SPOPL: variants seen among roughly 807,000 people sequenced by gnomAD.
The protein encoded by SPOPL is speckle-type POZ protein-like.
Under a neutral mutation model 53.8 loss-of-function variants are expected in SPOPL, and 23 were observed. That is an observed-to-expected ratio of 0.43 (90% CI 0.31 to 0.61). The LOEUF (loss-of-function observed/expected upper bound fraction) is 0.61. Ranked by LOEUF, SPOPL falls within the 20% of genes least tolerant of loss-of-function variation. SPOPL has a pLI of 0.12. For synonymous variants in SPOPL, 164 were observed against 149.7 expected, an observed-to-expected ratio of 1.10 and a Z score of -0.70; for missense variants, 442 against 466.9, an observed-to-expected ratio of 0.95 and a Z score of 0.49.
At chr2:138,524,320 C>G (rs564345378) in intron 1 of SPOPL, among the ~76,000 whole-genome samples, 6 of 152,266 alleles carry the variant, frequency 3.9e-5, no homozygotes, top group East Asian at 1.9e-4. Context: ...TGGGCCCAGC[C>G]CATGAAACCA....
intron 8 of SPOPL, 54 bp downstream of exon 8, chr2:138,560,981 A>G: frequency 6.4e-7 from 1 of 1,567,162 alleles, no homozygotes; most frequent in South Asian, 1.2e-5. Flanking sequence ...TGATTTATAT[A>G]GAAAGCTGTC....
chr2:138,559,422 C>A, intron 7 of SPOPL, 85 bp downstream of exon 7: 1 of 1,349,170 alleles, frequency 7.4e-7, no homozygotes, highest in Non-Finnish European at 1.0e-6. Flanking sequence ...GTACAATGTT[C>A]TCATTGTCAT....
intron 1 of SPOPL, among the ~76,000 whole-genome samples, chr2:138,534,720 C>A (rs545705467): frequency 6.6e-6 from 1 of 152,236 alleles, no homozygotes; most frequent in African/African-American, 2.4e-5. Flanking sequence ...TTCCAGAACA[C>A]TTTTATCAGT....
chr2:138,550,834 T>TCTCTCTCG (rs1404491817), intron 3 of SPOPL, 69 bp from the exon 4 acceptor site: 1 of 1,525,002 alleles, frequency 6.6e-7, no homozygotes, highest in Non-Finnish European at 8.8e-7. Context: ...TCTTTCTCTC[T>TCTCTCTCG]CTCTCTCTCT....
intron 1 of SPOPL, among the ~76,000 whole-genome samples, chr2:138,521,814 G>A (rs558811323): frequency 1.2e-3 from 178 of 152,170 alleles, no homozygotes; most frequent in African/African-American, 4.2e-3. Flanking sequence ...CCCTAACATT[G>A]GAATAAGACC....
intron 1 of SPOPL, among the ~76,000 whole-genome samples, chr2:138,537,511 GCTGT>G (rs1684964038): frequency 6.6e-6 from 1 of 152,190 alleles, no homozygotes; most frequent in Non-Finnish European, 1.5e-5. Flanking sequence ...GTGGCATCGG[GCTGT>G]CTGCCTGTGG....
chr2:138,544,767 G>T (rs551864888), intron 1 of SPOPL, among the ~76,000 whole-genome samples: 2 of 152,310 alleles, frequency 1.3e-5, no homozygotes, highest in South Asian at 4.1e-4. Context: ...ACACTCCCCA[G>T]TGAGATAAAC....
At chr2:138,503,103 A>G (rs1684142182) in intron 1 of SPOPL, among the ~76,000 whole-genome samples, 1 of 152,186 alleles carries the variant, frequency 6.6e-6, no homozygotes, top group African/African-American at 2.4e-5. Context: ...ATACCTTGAA[A>G]AATTACATCT....
rs143304264 is a variant in SPOPL at position 138,568,984 on chromosome 2, G to C, written c.1083G>C (p.Gln361His). 6.2e-7 allele frequency: 1 copy of C among 1,614,050 alleles called. No individual in the cohort carries two copies. The highest frequency in any genetic ancestry group is 1.7e-5 in the Admixed American group (1 of 60,022). The part of the protein sequence containing the change: ...METSGWKSMI[Q>H]SHPHLVAEAF... The stretch of plus-strand genomic sequence containing the variant: ...CATCAGGGTGGAAGTCCATGATTCA[G>C]TCTCACCCTCATTTAGTAGCAGAAG... The change falls in exon 11 of 11, where the codon CAG (glutamine) becomes CAC (histidine). Residue 361 changes from glutamine (Q) to histidine (H), a missense_variant. Physicochemically the swap from Gln to His is conservative, Grantham distance 24. Coordinates refer to ENST00000280098, the MANE Select transcript of SPOPL (RefSeq NM_001001664.3).
intron 1 of SPOPL, among the ~76,000 whole-genome samples, chr2:138,541,663 T>A (rs1685075178): frequency 6.6e-6 from 1 of 152,316 alleles, no homozygotes; most frequent in African/African-American, 2.4e-5. Context: ...TCTATCAATT[T>A]TGTTGATCTT....
chr2:138,536,342 C>CACACA (rs1558870213), intron 1 of SPOPL, among the ~76,000 whole-genome samples: 3 of 76,694 alleles, frequency 3.9e-5, no homozygotes, highest in African/African-American at 1.1e-4. Flanking sequence ...TTAGTGCCCC[C>CACACA]CCCCCACACA....
intron 1 of SPOPL, among the ~76,000 whole-genome samples, chr2:138,517,829 C>T (rs1573871652): frequency 6.6e-6 from 1 of 151,634 alleles, no homozygotes; most frequent in Admixed American, 6.6e-5. Flanking sequence ...GGCGGATCAC[C>T]TGAGGTCAGG....
intron 1 of SPOPL, among the ~76,000 whole-genome samples, chr2:138,549,747 A>G (rs894100134): frequency 2.0e-5 from 3 of 152,116 alleles, no homozygotes; most frequent in Non-Finnish European, 4.4e-5. Context: ...ATGGGTAACT[A>G]GTATTTATAG....
rs1409907934 is a variant in SPOPL, at chr2:138,569,018, G to T, written c.1117G>T (p.Ala373Ser). Residue 373 changes from alanine to serine, a missense_variant, in exon 11 of 11, where the codon GCA becomes TCA. By Grantham distance (99) the Ala-to-Ser change is moderately conservative (BLOSUM62 1). Coordinates refer to ENST00000280098, the MANE Select transcript of SPOPL (RefSeq NM_001001664.3). Reference sequence around the variant, plus strand: ...TCATTTAGTAGCAGAAGCCTTTCGAGCACTAGCATCTGCACAGTGTCCACA... The same window carrying T: ...TCATTTAGTAGCAGAAGCCTTTCGATCACTAGCATCTGCACAGTGTCCACA... ...HPHLVAEAFR[A>S]LASAQCPQFG... The T allele has an allele frequency of 1.2e-6, 2 of 1,613,986 alleles. No homozygotes were observed. Among genetic ancestry groups the T allele is most frequent in the Admixed American group, 1.7e-5 (1 of 60,014 alleles).
intron 1 of SPOPL, among the ~76,000 whole-genome samples, chr2:138,530,012 C>T (rs938171345): frequency 5.9e-5 from 9 of 152,154 alleles, no homozygotes; most frequent in African/African-American, 9.7e-5. Flanking sequence ...ATGTTGTTTC[C>T]TGCTATGTGT....
chr2:138,532,788 C>A (rs1684841907), intron 1 of SPOPL, among the ~76,000 whole-genome samples: 1 of 151,990 alleles, frequency 6.6e-6, no homozygotes, highest in Admixed American at 6.6e-5. Flanking sequence ...GTCAGCCCAC[C>A]TTTAGGTTGT....
intron 1 of SPOPL, among the ~76,000 whole-genome samples, chr2:138,525,332 C>G (rs775709370): frequency 6.6e-6 from 1 of 152,132 alleles, no homozygotes; most frequent in Non-Finnish European, 1.5e-5. Context: ...TCGGGTTCCT[C>G]CCACAACACA....
At chr2:138,512,354 T>C (rs1684342093) in intron 1 of SPOPL, among the ~76,000 whole-genome samples, 3 of 152,224 alleles carry the variant, frequency 2.0e-5, no homozygotes, top group East Asian at 3.8e-4. Flanking sequence ...ATTGATGTGC[T>C]ATGATGGATA....
At chr2:138,535,440 G>A (rs1336880286) in intron 1 of SPOPL, among the ~76,000 whole-genome samples, 1 of 150,658 alleles carries the variant, frequency 6.6e-6, no homozygotes, top group Non-Finnish European at 1.5e-5. Flanking sequence ...TTCCACAGCG[G>A]TTAAACCATT....
Sources: allele counts gnomAD v4.1 joint callset (sites outside exome capture counted in the v4.1 genomes callset), GRCh38; gene constraint gnomAD v4.1.1; transcripts MANE v1.5; gene names NCBI Gene and HGNC (gene_info 2026-07-23, HGNC 2026-07-21).